BMPER: variants seen among roughly 807,000 people sequenced by gnomAD.
BMPER encodes BMP-binding endothelial regulator protein.
In BMPER, 45 loss-of-function variants were observed where a neutral mutation model predicts 87.3. The observed-to-expected ratio is 0.52, with a 90% confidence interval of 0.41 to 0.66. BMPER has a LOEUF of 0.66. BMPER is among the 30% of genes least tolerant of loss of function. BMPER has a pLI of 0.00. For missense variants in BMPER, 784 were observed against 867.5 expected (o/e 0.90, Z 1.21); for synonymous variants, 326 against 316.2 (o/e 1.03, Z -0.33).
At chr7:34,146,076 T>TTA (rs1309957934) in intron 14 of BMPER, among the ~76,000 whole-genome samples, 1 of 151,884 alleles carries the variant, frequency 6.6e-6, no homozygotes, top group African/African-American at 2.4e-5. Context: ...CACACACACA[T>TTA]TATGAACTTC....
chr7:34,098,927 A>G (rs907088635), intron 13 of BMPER, among the ~76,000 whole-genome samples: 3 of 152,190 alleles, frequency 2.0e-5, no homozygotes, highest in African/African-American at 4.8e-5. Flanking sequence ...AGAGGGCTAT[A>G]TTGCTATAAT....
chr7:34,059,761 GAGAT>G (rs1562717090), intron 10 of BMPER, among the ~76,000 whole-genome samples: 1 of 140,682 alleles, frequency 7.1e-6, no homozygotes, highest in African/African-American at 2.6e-5. Flanking sequence ...AAAAAAAAAA[GAGAT>G]AGAGAGGAGG....
intron 12 of BMPER, among the ~76,000 whole-genome samples, chr7:34,083,131 G>A (rs1399533338): frequency 5.3e-5 from 8 of 152,226 alleles, no homozygotes; most frequent in African/African-American, 1.9e-4. Context: ...GTGTATCAGT[G>A]TTACCGGGGT....
intron 2 of BMPER, among the ~76,000 whole-genome samples, chr7:33,928,086 T>C (rs958645639): frequency 6.6e-6 from 1 of 152,058 alleles, no homozygotes. Context: ...CCAGGAGTCT[T>C]TTGGAAGTGT....
intron 6 of BMPER, among the ~76,000 whole-genome samples, chr7:34,024,542 C>A (rs980843749): frequency 6.8e-6 from 1 of 148,136 alleles, no homozygotes. Flanking sequence ...GTATCCTGTT[C>A]CTCATAGGTG....
intron 13 of BMPER, among the ~76,000 whole-genome samples, chr7:34,123,729 A>G (rs1583460971): frequency 6.6e-6 from 1 of 152,314 alleles, no homozygotes; most frequent in East Asian, 1.9e-4. Context: ...TGTTAATCAA[A>G]CACATTTAGA....
intron 9 of BMPER, 67 bp downstream of exon 9, chr7:34,055,370 A>AC: frequency 6.3e-7 from 1 of 1,597,184 alleles, no homozygotes; most frequent in Non-Finnish European, 8.6e-7. Context: ...AGCTCCAGAC[A>AC]CTAGGCAGAT....
At chr7:33,932,086 CA>C (rs1211892027) in intron 2 of BMPER, among the ~76,000 whole-genome samples, 4 of 152,146 alleles carry the variant, frequency 2.6e-5, no homozygotes, top group Non-Finnish European at 5.9e-5. Flanking sequence ...CTTTGTTTTT[CA>C]GCTTTAGAGC....
At chr7:34,017,451 TCAGATCTCATAA>T (rs1332852588) in intron 6 of BMPER, among the ~76,000 whole-genome samples, 1 of 151,702 alleles carries the variant, frequency 6.6e-6, no homozygotes, top group African/African-American at 2.4e-5. Context: ...TATAAAACCA[TCAGATCTCATAA>T]GCCTTATTCA....
At chr7:33,945,719 A>G (rs1413173704) in intron 3 of BMPER, among the ~76,000 whole-genome samples, 1 of 152,176 alleles carries the variant, frequency 6.6e-6, no homozygotes, top group Non-Finnish European at 1.5e-5. Context: ...GAAGTACCAG[A>G]AGGACTTATG....
At chr7:34,050,887 G>A (rs1036017466) in intron 7 of BMPER, among the ~76,000 whole-genome samples, 7 of 152,126 alleles carry the variant, frequency 4.6e-5, no homozygotes, top group African/African-American at 1.4e-4. Flanking sequence ...CTGGACACTC[G>A]ACATGTACCT....
chr7:34,047,128 C>T (rs538443215), intron 7 of BMPER, among the ~76,000 whole-genome samples: 1 of 152,054 alleles, frequency 6.6e-6, no homozygotes, highest in Non-Finnish European at 1.5e-5. Flanking sequence ...CCAGCTCTAA[C>T]CTGCTGCAGC....
chr7:34,094,678 C>T (rs889312494), intron 13 of BMPER, among the ~76,000 whole-genome samples: 2 of 152,214 alleles, frequency 1.3e-5, no homozygotes, highest in Non-Finnish European at 2.9e-5. Flanking sequence ...CAGGCGAGCT[C>T]ACCCACTGAA....
At chr7:34,090,467 G>A (rs927554747) in intron 13 of BMPER, among the ~76,000 whole-genome samples, 20 of 152,050 alleles carry the variant, frequency 1.3e-4, no homozygotes, top group Admixed American at 7.2e-4. Context: ...AGGCAAACTC[G>A]CACCACAAAG....
At chr7:34,078,725 C>CTT in intron 11 of BMPER, 132 bp from the exon 12 acceptor site, 23 of 814,196 alleles carry the variant, frequency 2.8e-5, no homozygotes, top group African/African-American at 3.5e-5. Context: ...AAAACGACCA[C>CTT]TTTTTTTTTT....
intron 6 of BMPER, among the ~76,000 whole-genome samples, chr7:34,023,483 G>A (rs1286574229): frequency 2.0e-5 from 3 of 152,014 alleles, no homozygotes; most frequent in Non-Finnish European, 4.4e-5. Flanking sequence ...TGAGCTATCT[G>A]TCCTTCCCCC....
chr7:34,109,283 A>C (rs529825627), intron 13 of BMPER, among the ~76,000 whole-genome samples: 2 of 152,288 alleles, frequency 1.3e-5, no homozygotes, highest in Non-Finnish European at 2.9e-5. Context: ...GTAAGGAGGA[A>C]TTCTCTCTTA....
At chr7:34,083,031 A>G (rs924895730) in intron 12 of BMPER, among the ~76,000 whole-genome samples, 3 of 152,164 alleles carry the variant, frequency 2.0e-5, no homozygotes, top group Non-Finnish European at 2.9e-5. Context: ...ATTACAAATC[A>G]TCTTATAGTT....
At chr7:34,022,062 A>G (rs148487401) in intron 6 of BMPER, among the ~76,000 whole-genome samples, 4 of 152,162 alleles carry the variant, frequency 2.6e-5, no homozygotes, top group South Asian at 2.1e-4. Context: ...GAGCTTATCA[A>G]TCATGGCTTC....
Sources: gnomAD v4.1 joint callset for allele counts (sites outside exome capture counted in the v4.1 genomes callset) on GRCh38, gnomAD v4.1.1 for gene constraint, MANE v1.5 for transcripts, NCBI Gene and HGNC (gene_info 2026-07-23, HGNC 2026-07-21) for gene names.